The following GPR158 variants were observed in gnomAD, a reference collection of about 807,000 sequenced individuals.
The protein encoded by GPR158 is metabotropic glycine receptor.
A neutral mutation model predicts 78.2 loss-of-function variants in GPR158; 30 were observed. That is an observed-to-expected ratio of 0.38 (90% CI 0.29 to 0.52). The LOEUF (loss-of-function observed/expected upper bound fraction) is 0.52. Ranked by LOEUF, GPR158 falls within the 20% of genes least tolerant of loss-of-function variation. The pLI is 0.83. For missense variants in GPR158, 1,463 were observed against 1,523.5 expected (o/e 0.96, Z 0.66); for synonymous variants, 581 against 591.1 (o/e 0.98, Z 0.25).
At chr10:25,527,995 T>G (rs1836372773) in intron 5 of GPR158, among the ~76,000 whole-genome samples, 1 of 152,028 alleles carries the variant, frequency 6.6e-6, no homozygotes, top group Non-Finnish European at 1.5e-5. Context: ...ACAGAAGAGA[T>G]AGGAAATTTG....
chr10:25,439,066 C>T (rs1835034548), intron 4 of GPR158, among the ~76,000 whole-genome samples: 1 of 152,100 alleles, frequency 6.6e-6, no homozygotes, highest in Admixed American at 6.6e-5. Context: ...CCTGGAAGGC[C>T]TGAAATATTT....
chr10:25,574,813 AGGCGGAGGTC>A (rs1252114088), intron 7 of GPR158, among the ~76,000 whole-genome samples: 2 of 152,176 alleles, frequency 1.3e-5, no homozygotes, highest in Non-Finnish European at 2.9e-5. Flanking sequence ...TGAACCCAAG[AGGCGGAGGTC>A]GCAGTAAGCC....
chr10:25,214,356 T>C (rs112701474), intron 1 of GPR158, among the ~76,000 whole-genome samples: 116 of 152,324 alleles, frequency 7.6e-4, no homozygotes, highest in African/African-American at 2.6e-3. Flanking sequence ...AGAAAGTTTT[T>C]AAAGCTATTT....
intron 2 of GPR158, among the ~76,000 whole-genome samples, chr10:25,384,861 T>C (rs1032530864): frequency 1.3e-5 from 2 of 152,306 alleles, no homozygotes; most frequent in Middle Eastern, 3.4e-3. Context: ...GTATGTGAGA[T>C]GAGATATACA....
chr10:25,248,311 T>G (rs1231685982), intron 2 of GPR158, among the ~76,000 whole-genome samples: 1 of 152,178 alleles, frequency 6.6e-6, no homozygotes, highest in Non-Finnish European at 1.5e-5. Flanking sequence ...GCAGAAGCTC[T>G]TTAGTTTAAT....
chr10:25,494,171 C>CT (rs1199728479), intron 5 of GPR158, among the ~76,000 whole-genome samples: 1 of 152,116 alleles, frequency 6.6e-6, no homozygotes. Context: ...AGAATAAAAT[C>CT]TAACATGATA....
At chr10:25,207,924 A>G (rs900095889) in intron 1 of GPR158, among the ~76,000 whole-genome samples, 1 of 152,214 alleles carries the variant, frequency 6.6e-6, no homozygotes, top group Non-Finnish European at 1.5e-5. Context: ...TATATTGGTT[A>G]GCTGCTTTTG....
chr10:25,586,981 T>G (rs1426512614), intron 7 of GPR158, among the ~76,000 whole-genome samples: 1 of 152,194 alleles, frequency 6.6e-6, no homozygotes, highest in African/African-American at 2.4e-5. Flanking sequence ...GCCAAGGAGC[T>G]GGGAGATCAG....
In GPR158 at chr10:25,555,036, A is replaced by T. The variant is rs184587962; in HGVS notation, c.1514+3951A>T. 1.5e-3 allele frequency among the ~76,000 whole-genome samples: 226 copies of T among 151,924 alleles called. 1 individual carries two copies. Among genetic ancestry groups the T allele is most frequent in the Non-Finnish European group, 3.1e-4 (21 of 67,982 alleles). On this transcript the variant is annotated intron_variant, in intron 6 of 10. Coordinates refer to ENST00000376351, the MANE Select transcript of GPR158 (RefSeq NM_020752.3). ...AAGAAAGAAAAGAAAAGAAGAGAAA[A>T]GAAGGAAGGAAAAGGAAAGAAGGGG...
chr10:25,596,872 G>GT, intron 10 of GPR158, 83 bp downstream of exon 10: 1 of 1,114,158 alleles, frequency 9.0e-7, no homozygotes, highest in East Asian at 2.4e-5. Flanking sequence ...GGGTGCGTGT[G>GT]TGCATGCATG....
intron 9 of GPR158, 100 bp downstream of exon 9, chr10:25,594,497 T>TA: frequency 1.9e-6 from 1 of 524,058 alleles, no homozygotes; most frequent in Non-Finnish European, 3.4e-6. Flanking sequence ...ATTTGCTTAA[T>TA]ATTTAAAAGA....
intron 2 of GPR158, among the ~76,000 whole-genome samples, chr10:25,308,270 C>T (rs1854711390): frequency 1.3e-5 from 2 of 152,086 alleles, no homozygotes; most frequent in Admixed American, 6.6e-5. Flanking sequence ...GCCCAGGATG[C>T]ATTAGCTATT....
chr10:25,546,343 A>T (rs535947745), intron 5 of GPR158, among the ~76,000 whole-genome samples: 1 of 152,280 alleles, frequency 6.6e-6, no homozygotes, highest in Non-Finnish European at 1.5e-5. Flanking sequence ...CAAAGAGTCA[A>T]GGCAATCAAG....
chr10:25,428,678 G>C (rs951233810), intron 4 of GPR158, among the ~76,000 whole-genome samples: 1 of 152,008 alleles, frequency 6.6e-6, no homozygotes, highest in Non-Finnish European at 1.5e-5. Context: ...ACCATTTCAA[G>C]AGTTACCAAA....
Position 25,304,158 on chromosome 10 carries a change from G to A in GPR158, c.1008+83001G>A, listed in dbSNP as rs887377534. On this transcript the variant is annotated intron_variant, in intron 2 of 10. Coordinates refer to ENST00000376351, the MANE Select transcript of GPR158 (RefSeq NM_020752.3). ...TGTTTTTGTTTTTTGTTTTTTTTTCGCCCAAAAGCTACTGTGTGGCAGACA... is the reference window on the plus strand; with the variant it reads ...TGTTTTTGTTTTTTGTTTTTTTTTCACCCAAAAGCTACTGTGTGGCAGACA... Among the ~76,000 whole-genome samples the A allele has an allele frequency of 1.4e-4, 21 of 148,672 alleles. No homozygotes were observed. The East Asian group carries it at 1.6e-3, about 11-fold the overall frequency.
chr10:25,583,566 GTTTGA>G, intron 7 of GPR158, among the ~76,000 whole-genome samples: 1 of 152,226 alleles, frequency 6.6e-6, no homozygotes, highest in South Asian at 2.1e-4. Flanking sequence ...TATTGAAGTT[GTTTGA>G]TTTAACACTT....
chr10:25,560,005 G>A (rs1836840898), intron 6 of GPR158, among the ~76,000 whole-genome samples: 1 of 152,178 alleles, frequency 6.6e-6, no homozygotes, highest in Non-Finnish European at 1.5e-5. Flanking sequence ...CCACCAAAGA[G>A]TAATCACAAT....
At chr10:25,534,215 C>A (rs1027468196) in intron 5 of GPR158, among the ~76,000 whole-genome samples, 1 of 152,014 alleles carries the variant, frequency 6.6e-6, no homozygotes, top group African/African-American at 2.4e-5. Context: ...TCTTTTTTGG[C>A]CTTGAGTGTT....
At chr10:25,516,545 G>A (rs1348573054) in intron 5 of GPR158, among the ~76,000 whole-genome samples, 1 of 132,314 alleles carries the variant, frequency 7.6e-6, no homozygotes, top group East Asian at 2.1e-4. Context: ...ATTGATTTTT[G>A]TATAAGGTGT....
Sources: gnomAD v4.1 joint callset for allele counts (sites outside exome capture counted in the v4.1 genomes callset) on GRCh38, gnomAD v4.1.1 for gene constraint, MANE v1.5 for transcripts, NCBI Gene and HGNC (gene_info 2026-07-23, HGNC 2026-07-21) for gene names.